AP4E1: variants seen among roughly 807,000 people sequenced by gnomAD.
The protein encoded by AP4E1 is AP-4 complex subunit epsilon-1.
In AP4E1, 56 loss-of-function variants were observed where a neutral mutation model predicts 128.2. That is an observed-to-expected ratio of 0.44 (90% CI 0.35 to 0.55). The LOEUF (loss-of-function observed/expected upper bound fraction) is 0.55, where lower values mean the gene tolerates loss of function less well. AP4E1 is among the 20% of genes least tolerant of loss of function. The pLI is 0.00. For missense variants in AP4E1, 1,324 were observed against 1,307.7 expected, an observed-to-expected ratio of 1.01 and a Z score of -0.19; for synonymous variants, 484 against 473.1, an observed-to-expected ratio of 1.02 and a Z score of -0.30.
intron 7 of AP4E1, among the ~76,000 whole-genome samples, chr15:50,931,450 T>C (rs1225662993): frequency 6.6e-6 from 1 of 151,842 alleles, no homozygotes; most frequent in Non-Finnish European, 1.5e-5. Context: ...CCTGTAATCC[T>C]AGCTACTCGG....
At chr15:50,911,394 C>G (rs1427584750) in intron 1 of AP4E1, among the ~76,000 whole-genome samples, 1 of 151,704 alleles carries the variant, frequency 6.6e-6, no homozygotes, top group Non-Finnish European at 1.5e-5. Context: ...TCCATGAAGA[C>G]TTTTTACTTC....
At chr15:50,927,468 A>G (rs2063782333) in intron 5 of AP4E1, among the ~76,000 whole-genome samples, 1 of 151,542 alleles carries the variant, frequency 6.6e-6, no homozygotes, top group Non-Finnish European at 1.5e-5. Flanking sequence ...GTCTTATGTT[A>G]GTACCACCAC....
At position 51,003,782 on chromosome 15, in the gene AP4E1, C is replaced by T. The variant is rs940365377; in HGVS notation, c.*1120C>T. The T allele has an allele frequency of 6.6e-6, 1 of 152,522 alleles. No homozygotes were observed. Among genetic ancestry groups the T allele is most frequent in the Admixed American group, 6.6e-5 (1 of 15,254 alleles). 9.4% of individuals were successfully genotyped at this position (152,522 alleles called of 1,614,324 possible). A position where few individuals can be genotyped will look rare whatever the true frequency, so the allele number is the denominator to read the frequency against. Reference sequence around the variant, plus strand: ...GTGCTGTGGAAAATATTTATTATTTCACCTTTTCTGACACTTCACCATGGA... The same window carrying T: ...GTGCTGTGGAAAATATTTATTATTTTACCTTTTCTGACACTTCACCATGGA... On this transcript the variant is annotated 3_prime_UTR_variant, in exon 21 of 21. Coordinates refer to ENST00000261842, the MANE Select transcript of AP4E1 (RefSeq NM_007347.5).
At chr15:50,942,155 G>C (rs571810379) in intron 10 of AP4E1, among the ~76,000 whole-genome samples, 2 of 152,310 alleles carry the variant, frequency 1.3e-5, no homozygotes, top group East Asian at 3.9e-4. Context: ...GACCTCAAGT[G>C]ATCTGCCTGC....
chr15:50,935,864 A>G (rs1411318841), intron 8 of AP4E1, among the ~76,000 whole-genome samples: 2 of 152,328 alleles, frequency 1.3e-5, no homozygotes, highest in East Asian at 3.9e-4. Flanking sequence ...AAAATAATGC[A>G]CATGGTAGTG....
intron 2 of AP4E1, among the ~76,000 whole-genome samples, chr15:50,913,963 G>T (rs1226434025): frequency 6.6e-6 from 1 of 152,020 alleles, no homozygotes; most frequent in Admixed American, 6.6e-5. Flanking sequence ...AATTACAGGC[G>T]CAGGTCCCCA....
intron 10 of AP4E1, among the ~76,000 whole-genome samples, chr15:50,943,154 A>G (rs2064010314): frequency 1.3e-5 from 2 of 151,888 alleles, no homozygotes; most frequent in South Asian, 4.2e-4. Flanking sequence ...GTGATATTTG[A>G]TTTTCTGTTT....
chr15:50,910,541 GA>G (rs1476423561), intron 1 of AP4E1, among the ~76,000 whole-genome samples: 1 of 152,210 alleles, frequency 6.6e-6, no homozygotes, highest in Admixed American at 6.5e-5. Context: ...AGGAAAGACA[GA>G]AAAGAAAGTG....
At chr15:50,954,850 CT>C (rs2064194951) in intron 13 of AP4E1, among the ~76,000 whole-genome samples, 1 of 152,146 alleles carries the variant, frequency 6.6e-6, no homozygotes, top group Admixed American at 6.5e-5. Context: ...TGCCGTCCCC[CT>C]ACCCCACAAC....
intron 19 of AP4E1, among the ~76,000 whole-genome samples, chr15:50,999,788 G>T (rs1484615155): frequency 7.9e-5 from 12 of 151,792 alleles, no homozygotes; most frequent in Non-Finnish European, 5.9e-5. Flanking sequence ...TGCCATGCTG[G>T]TGTGCTGCAC....
At chr15:50,973,368 C>G (rs951952356) in intron 15 of AP4E1, among the ~76,000 whole-genome samples, 2 of 152,072 alleles carry the variant, frequency 1.3e-5, no homozygotes, top group African/African-American at 4.8e-5. Flanking sequence ...AGCATTTGCT[C>G]TTTTTTGCCT....
At chr15:50,952,361 T>C (rs1318646797) in intron 13 of AP4E1, among the ~76,000 whole-genome samples, 1 of 151,764 alleles carries the variant, frequency 6.6e-6, no homozygotes, top group South Asian at 2.1e-4. Flanking sequence ...ATACAAAAAA[T>C]TAGCCAGGCA....
intron 20 of AP4E1, among the ~76,000 whole-genome samples, chr15:51,002,171 G>A (rs1395240812): frequency 6.6e-6 from 1 of 152,126 alleles, no homozygotes; most frequent in Admixed American, 6.6e-5. Context: ...GTGAACTACT[G>A]CACCTGGCCT....
intron 8 of AP4E1, among the ~76,000 whole-genome samples, chr15:50,936,508 GT>G (rs1338083137): frequency 6.6e-6 from 1 of 152,090 alleles, no homozygotes; most frequent in African/African-American, 2.4e-5. Context: ...AACAGTAAGT[GT>G]CCTTTCCACC....
Position 50,941,711 on chromosome 15 carries a change from C to G in AP4E1, c.1112C>G (p.Ala371Gly). 1 of 1,613,636 alleles carries G rather than the reference C, an allele frequency of 6.2e-7. No individual in the cohort carries two copies. The part of the protein sequence containing the change: ...TYVIQQDPTL[A>G]LQHQMTIIEC... Reference sequence around the variant, plus strand: ...GTTATCCAACAGGATCCTACTCTGGCTCTTCAACACCAGATGACAATAATT... The same window carrying G: ...GTTATCCAACAGGATCCTACTCTGGGTCTTCAACACCAGATGACAATAATT... Residue 371 changes from alanine (A) to glycine (G), a missense_variant, in exon 10 of 21, where the codon GCT (alanine) becomes GGT (glycine). Transcript: ENST00000261842.
At chr15:50,927,454 T>C (rs1050755183) in intron 5 of AP4E1, among the ~76,000 whole-genome samples, 2 of 151,824 alleles carry the variant, frequency 1.3e-5, no homozygotes, top group Non-Finnish European at 2.9e-5. Flanking sequence ...AATCTAGGTC[T>C]CTCGTCTTAT....
At chr15:50,987,703 G>A (rs1292865590) in intron 16 of AP4E1, among the ~76,000 whole-genome samples, 4 of 152,162 alleles carry the variant, frequency 2.6e-5, no homozygotes, top group Admixed American at 1.3e-4. Flanking sequence ...CATTTGCTGA[G>A]GAGTGCTTTA....
intron 10 of AP4E1, chr15:50,945,089 T>C (rs1157665041): frequency 7.7e-6 from 6 of 784,172 alleles, no homozygotes; most frequent in Non-Finnish European, 1.4e-5. Context: ...GGCCAGGCTA[T>C]GGAGATGAGG....
At chr15:50,918,791 A>C in intron 3 of AP4E1, among the ~76,000 whole-genome samples, 1 of 152,332 alleles carries the variant, frequency 6.6e-6, no homozygotes, top group South Asian at 2.1e-4. Context: ...AGATTATTCT[A>C]TACCTTGTTT....
Sources: gnomAD v4.1 joint callset for allele counts (sites outside exome capture counted in the v4.1 genomes callset) on GRCh38, gnomAD v4.1.1 for gene constraint, MANE v1.5 for transcripts, NCBI Gene and HGNC (gene_info 2026-07-23, HGNC 2026-07-21) for gene names.